The following HHLA1 variants were observed in gnomAD, a reference collection of about 807,000 sequenced individuals.
HHLA1 encodes HERV-H LTR-associating protein 1.
HHLA1 carries 72 observed loss-of-function variants against 69.9 expected under a neutral mutation model. That is an observed-to-expected ratio of 1.03 (90% CI 0.85 to 1.25). The LOEUF (loss-of-function observed/expected upper bound fraction) is 1.25. Among genes scored for constraint, HHLA1 ranks in the 50% most tolerant of loss-of-function variants. HHLA1 has a pLI of 0.00. For missense variants in HHLA1, 685 were observed against 642.2 expected, an observed-to-expected ratio of 1.07 and a Z score of -0.72; for synonymous variants, 252 against 233.2, an observed-to-expected ratio of 1.08 and a Z score of -0.73.
At chr8:132,093,037 T>C (rs180893779) in intron 7 of HHLA1, among the ~76,000 whole-genome samples, 30 of 152,336 alleles carry the variant, frequency 2.0e-4, no homozygotes, top group African/African-American at 7.2e-4. Context: ...AGTCATTTGT[T>C]ATAGTAGCCC....
chr8:132,065,757 GT>G (rs1295884771), intron 16 of HHLA1, 128 bp downstream of exon 16: 5 of 399,312 alleles, frequency 1.3e-5, no homozygotes, highest in Non-Finnish European at 2.5e-5. Context: ...GGTGCTCTTT[GT>G]CCCAAATTAA....
At position 132,098,835 on chromosome 8, in the gene HHLA1, A is replaced by G. The variant is rs775281866; in HGVS notation, c.280+47T>C. Reference sequence around the variant, plus strand: ...AGAAAGGTTCAGAAAAGACACTGGTACAAGAAAAAAAAATGGACCTGGATT... The same window carrying G: ...AGAAAGGTTCAGAAAAGACACTGGTGCAAGAAAAAAAAATGGACCTGGATT... On this transcript the variant is annotated intron_variant, in intron 5 of 16. Coordinates refer to ENST00000414222, the MANE Select transcript of HHLA1 (RefSeq NM_001145095.3). 4.8e-6 allele frequency: 6 copies of G among 1,250,812 alleles called. No individual in the cohort carries two copies. The African/African-American group carries it at 9.1e-5, about 19-fold the overall frequency. 77.5% of individuals were successfully genotyped at this position (1,250,812 alleles called of 1,614,324 possible). A position where few individuals can be genotyped will look rare whatever the true frequency, so the allele number is the denominator to read the frequency against.
In HHLA1 at chr8:132,103,056, A is replaced by G. The variant is rs149608706; in HGVS notation, c.139+1052T>C. 3.9e-3 allele frequency among the ~76,000 whole-genome samples: 596 copies of G among 152,254 alleles called. 4 individuals carry two copies. Among genetic ancestry groups the G allele is most frequent in the African/African-American group, 0.014 (576 of 41,566 alleles). On this transcript the variant is annotated intron_variant, in intron 3 of 16. Coordinates refer to ENST00000414222, the MANE Select transcript of HHLA1 (RefSeq NM_001145095.3). ...ATAGAAGGTTCCTGGCATTTTTTGT[A>G]CTTCTTAATGCTTAGTATTTTATCA...
chr8:132,110,332 T>C lies in HHLA1; in HGVS notation c.-22+770A>G, dbSNP rs72717307. ...GAAGAGAAACCAGAAGCCTGGGGAT[T>C]CTAGACAGTTTGCCCAAGGTCATTA... On this transcript the variant is annotated intron_variant, in intron 1 of 16. Coordinates refer to ENST00000414222, the MANE Select transcript of HHLA1 (RefSeq NM_001145095.3). 8.4e-4 allele frequency among the ~76,000 whole-genome samples: 128 copies of C among 152,162 alleles called. 1 individual carries two copies. Among genetic ancestry groups the C allele is most frequent in the Middle Eastern group, 3.4e-3 (1 of 294 alleles).
chr8:132,093,328 G>A (rs1823973394), intron 7 of HHLA1, among the ~76,000 whole-genome samples: 3 of 152,002 alleles, frequency 2.0e-5, no homozygotes, highest in South Asian at 4.1e-4. Flanking sequence ...TGATATCACA[G>A]TACATTATTT....
At chr8:132,097,754 G>A (rs868716110) in intron 5 of HHLA1, among the ~76,000 whole-genome samples, 1 of 152,176 alleles carries the variant, frequency 6.6e-6, no homozygotes, top group Non-Finnish European at 1.5e-5. Flanking sequence ...ACTCTCATGA[G>A]AGCAAATTGG....
At chr8:132,094,633 C>G (rs1369129248) in intron 7 of HHLA1, among the ~76,000 whole-genome samples, 1 of 152,228 alleles carries the variant, frequency 6.6e-6, no homozygotes, top group Admixed American at 6.5e-5. Context: ...CCACCCTACA[C>G]ACAGCAATAT....
At chr8:132,096,730 C>T (rs1824032102) in intron 5 of HHLA1, among the ~76,000 whole-genome samples, 1 of 152,074 alleles carries the variant, frequency 6.6e-6, no homozygotes, top group African/African-American at 2.4e-5. Flanking sequence ...TGGATGTGAT[C>T]CCAGGTCTAC....
At chr8:132,070,642 A>T (rs1224721472) in intron 15 of HHLA1, among the ~76,000 whole-genome samples, 1 of 151,676 alleles carries the variant, frequency 6.6e-6, no homozygotes, top group South Asian at 2.1e-4. Context: ...TCAACTCATT[A>T]CACCTCAACT....
chr8:132,104,472 CAG>C (rs1305754037), intron 2 of HHLA1, among the ~76,000 whole-genome samples: 1 of 152,092 alleles, frequency 6.6e-6, no homozygotes, highest in African/African-American at 2.4e-5. Context: ...GGGTGTGTAA[CAG>C]GGGGCTGATC....
intron 14 of HHLA1, among the ~76,000 whole-genome samples, chr8:132,074,704 T>C (rs1823604881): frequency 6.6e-6 from 1 of 152,128 alleles, no homozygotes; most frequent in Admixed American, 6.6e-5. Context: ...AGATGACAGA[T>C]GGATAGGCAA....
chr8:132,071,865 A>C (rs1823551020), intron 14 of HHLA1, among the ~76,000 whole-genome samples: 1 of 152,066 alleles, frequency 6.6e-6, no homozygotes, highest in Non-Finnish European at 1.5e-5. Context: ...GGGATTTGAG[A>C]AAAATTTGAG....
chr8:132,111,033 G>T, intron 1 of HHLA1, 69 bp downstream of exon 1: 1 of 152,172 alleles, frequency 6.6e-6, no homozygotes, highest in Middle Eastern at 3.2e-3. Flanking sequence ...GAATTCTTTA[G>T]CTGGCTTCAT....
At chr8:132,078,712 G>C (rs1823688372) in intron 11 of HHLA1, among the ~76,000 whole-genome samples, 1 of 152,106 alleles carries the variant, frequency 6.6e-6, no homozygotes. Context: ...TCTCTCCTAG[G>C]TCTGAGAGCT....
At chr8:132,107,029 C>G (rs1443649141) in intron 1 of HHLA1, among the ~76,000 whole-genome samples, 1 of 152,166 alleles carries the variant, frequency 6.6e-6, no homozygotes, top group Non-Finnish European at 1.5e-5. Context: ...AGTACAATCT[C>G]TGGAATATGG....
At position 132,079,891 on chromosome 8, in the gene HHLA1, G is replaced by A. The variant is rs2403730; in HGVS notation, c.752C>T (p.Pro251Leu). ...KSQKTLPSTS[P>L]GHWTQSTPWA... ...GGGTGTGCTCTGGGTCCAGTGTCCG[G>A]GGCTTGTACTTGGTAGTGTTTTCTG... The change falls in exon 11 of 17, where the codon CCC (proline) becomes CTC (leucine). Residue 251 changes from proline to leucine, a missense_variant. Physicochemically the swap from Pro to Leu is moderately conservative, Grantham distance 98. Transcript: ENST00000414222. 0.32 allele frequency: 489,557 copies of A among 1,551,798 alleles called. 78,911 individuals carry two copies. Among genetic ancestry groups the A allele is most frequent in the Admixed American group, 0.44 (22,218 of 50,970 alleles).
intron 14 of HHLA1, among the ~76,000 whole-genome samples, chr8:132,073,849 C>T (rs1431449291): frequency 6.6e-6 from 1 of 152,174 alleles, no homozygotes; most frequent in Non-Finnish European, 1.5e-5. Flanking sequence ...TCCTACATAT[C>T]ACCCAAGTCT....
rs964212746 is a variant in HHLA1, at chr8:132,063,343, A to C, written c.*652T>G. The C allele has an allele frequency of 6.6e-6, 1 of 152,156 alleles. No individual in the cohort carries two copies. The highest frequency in any genetic ancestry group is 2.1e-4 in the South Asian group (1 of 4,828). 9.4% of individuals were successfully genotyped at this position (152,156 alleles called of 1,614,324 possible). ...GGTGCTCATGGGGACCTCTGAATCC[A>C]GTGGGTCACACAGAAGAGGAATCAA... On this transcript the variant is annotated 3_prime_UTR_variant, in exon 17 of 17. Coordinates refer to ENST00000414222, the MANE Select transcript of HHLA1 (RefSeq NM_001145095.3).
intron 7 of HHLA1, among the ~76,000 whole-genome samples, chr8:132,093,562 G>C (rs922598427): frequency 6.6e-6 from 1 of 152,110 alleles, no homozygotes; most frequent in African/African-American, 2.4e-5. Context: ...GTGACTTCTT[G>C]TCAAACCTGG....
Sources: allele counts gnomAD v4.1 joint callset (sites outside exome capture counted in the v4.1 genomes callset), GRCh38; gene constraint gnomAD v4.1.1; transcripts MANE v1.5; gene names NCBI Gene and HGNC (gene_info 2026-07-23, HGNC 2026-07-21).